Variants in CDH4 observed in about 807,000 individuals in gnomAD.
The protein encoded by CDH4 is cadherin 4, also known as cadherin-4.
A neutral mutation model predicts 86.0 loss-of-function variants in CDH4; 33 were observed. The ratio of observed to expected loss-of-function variants is 0.38; its 90% CI spans 0.29 to 0.51. CDH4 has a LOEUF of 0.51. CDH4 is among the 20% of genes least tolerant of loss of function. The probability of loss-of-function intolerance (pLI) is 0.86; values close to 1 mark genes in which losing one functional copy is unlikely to be tolerated. For synonymous variants in CDH4, 555 were observed against 549.4 expected, an observed-to-expected ratio of 1.01 and a Z score of -0.14; for missense variants, 1,114 against 1,307.4, an observed-to-expected ratio of 0.85 and a Z score of 2.28.
chr20:61,383,092 T>G (rs1489024892), intron 2 of CDH4, among the ~76,000 whole-genome samples: 4 of 97,134 alleles, frequency 4.1e-5, no homozygotes, highest in Non-Finnish European at 6.2e-5. Context: ...TATATGAATA[T>G]ATATATGAAT....
chr20:61,546,240 G>A (rs1485763821), intron 2 of CDH4, among the ~76,000 whole-genome samples: 5 of 151,446 alleles, frequency 3.3e-5, no homozygotes, highest in Non-Finnish European at 5.9e-5. Context: ...CATGTGTGTG[G>A]GGGTATGTGG....
intron 2 of CDH4, among the ~76,000 whole-genome samples, chr20:61,320,853 G>A (rs1348145232): frequency 1.3e-5 from 2 of 152,052 alleles, no homozygotes; most frequent in Non-Finnish European, 2.9e-5. Context: ...CCAGGTGGCT[G>A]GAGGGGTGGG....
intron 2 of CDH4, among the ~76,000 whole-genome samples, chr20:61,333,910 G>A (rs574636321): frequency 8.5e-5 from 13 of 152,358 alleles, no homozygotes; most frequent in African/African-American, 2.9e-4. Context: ...CAGACCAGGG[G>A]CACCATGAGG....
chr20:61,302,494 G>T (rs1389017280), intron 2 of CDH4, among the ~76,000 whole-genome samples: 2 of 143,512 alleles, frequency 1.4e-5, no homozygotes, highest in Non-Finnish European at 3.0e-5. Flanking sequence ...GTTGGGGGGG[G>T]TCTGTTGTCA....
At chr20:61,836,033 G>A (rs757831615) in intron 4 of CDH4, among the ~76,000 whole-genome samples, 1 of 152,220 alleles carries the variant, frequency 6.6e-6, no homozygotes, top group Non-Finnish European at 1.5e-5. Context: ...TCTGGGTCTT[G>A]ACCGGGCTCT....
chr20:61,706,354 A>G (rs946344616), intron 2 of CDH4, among the ~76,000 whole-genome samples: 1 of 152,106 alleles, frequency 6.6e-6, no homozygotes, highest in Non-Finnish European at 1.5e-5. Context: ...CAGGACTCCA[A>G]CCACCACCCG....
In CDH4 at chr20:61,663,184, G is replaced by A. The variant is rs1234488196; in HGVS notation, c.170-80379G>A. Reference sequence around the variant, plus strand: ...GGCCTGCAGCTCCATGAGTGTCCACGCCTCCGTGTGTGGACTGATGAGGTA... The same window carrying A: ...GGCCTGCAGCTCCATGAGTGTCCACACCTCCGTGTGTGGACTGATGAGGTA... On this transcript the variant is annotated intron_variant, in intron 2 of 15. Coordinates refer to ENST00000614565, the MANE Select transcript of CDH4 (RefSeq NM_001794.5). This position sits in a 1 kb window ranked among gnomAD's most constrained non-coding sequence, Gnocchi z 5.0. 1.3e-5 allele frequency among the ~76,000 whole-genome samples: 2 copies of A among 152,224 alleles called. No homozygotes were observed. Among genetic ancestry groups the A allele is most frequent in the Admixed American group, 1.3e-4 (2 of 15,292 alleles).
chr20:61,448,809 A>G (rs1012158411), intron 2 of CDH4, among the ~76,000 whole-genome samples: 1 of 152,170 alleles, frequency 6.6e-6, no homozygotes, highest in African/African-American at 2.4e-5. Flanking sequence ...TGATACTCTG[A>G]AAAGGCTATT....
intron 2 of CDH4, among the ~76,000 whole-genome samples, chr20:61,470,555 G>A (rs1029616302): frequency 9.2e-5 from 14 of 152,068 alleles, no homozygotes; most frequent in Non-Finnish European, 1.5e-5. Context: ...CTGTAGCTAA[G>A]ACTTCTAGTA....
intron 7 of CDH4, among the ~76,000 whole-genome samples, chr20:61,883,911 G>T (rs988957226): frequency 6.6e-6 from 1 of 152,224 alleles, no homozygotes; most frequent in East Asian, 1.9e-4. Context: ...GAGAGAGGGG[G>T]AAGCAAGAGG....
chr20:61,505,779 C>T (rs2085736150), intron 2 of CDH4, among the ~76,000 whole-genome samples: 1 of 151,524 alleles, frequency 6.6e-6, no homozygotes, highest in South Asian at 2.1e-4. Flanking sequence ...CTAATGTTCT[C>T]GTGTGTTTTT....
chr20:61,312,998 T>C (rs541702507), intron 2 of CDH4, among the ~76,000 whole-genome samples: 33 of 152,264 alleles, frequency 2.2e-4, no homozygotes, highest in African/African-American at 7.5e-4. Context: ...GTCTCACTCC[T>C]GTGGGGTTGC....
intron 4 of CDH4, among the ~76,000 whole-genome samples, chr20:61,802,933 G>A (rs1979908948): frequency 1.3e-5 from 2 of 152,236 alleles, no homozygotes; most frequent in Non-Finnish European, 2.9e-5. Flanking sequence ...GGGCTTCTCC[G>A]AATTCTGTTT....
At chr20:61,845,146 A>G (rs1385695868) in intron 5 of CDH4, among the ~76,000 whole-genome samples, 3 of 152,142 alleles carry the variant, frequency 2.0e-5, no homozygotes, top group Non-Finnish European at 4.4e-5. Flanking sequence ...TCTGCTTTGG[A>G]TGGCTCTGCG....
intron 2 of CDH4, among the ~76,000 whole-genome samples, chr20:61,410,869 C>CCT (rs1247272252): frequency 6.6e-6 from 1 of 151,670 alleles, no homozygotes; most frequent in Non-Finnish European, 1.5e-5. Flanking sequence ...GTCCATCTAT[C>CCT]CTCTCACCTG....
rs147246056 is a variant in CDH4 at position 61,576,573 on chromosome 20, A to T, written c.170-166990A>T. Among the ~76,000 whole-genome samples the T allele has an allele frequency of 1.6e-3, 238 of 152,248 alleles. 1 individual carries two copies. The highest frequency in any genetic ancestry group is 5.4e-3 in the African/African-American group (226 of 41,544). The stretch of plus-strand genomic sequence containing the variant: ...CCCTCCCTGACCGGAGGCAGACATC[A>T]CTAATCGATCCCACTCTCTTCTATC... On this transcript the variant is annotated intron_variant, in intron 2 of 15. Transcript: ENST00000614565.
chr20:61,626,824 C>A (rs1424895295), intron 2 of CDH4, among the ~76,000 whole-genome samples: 1 of 152,160 alleles, frequency 6.6e-6, no homozygotes, highest in African/African-American at 2.4e-5. Context: ...TTTTAAATTG[C>A]GCTCGAAGGG....
Position 61,703,612 on chromosome 20 carries a change from G to A in CDH4, c.170-39951G>A, listed in dbSNP as rs1347036100. On this transcript the variant is annotated intron_variant, in intron 2 of 15. Transcript: ENST00000614565. The surrounding 1 kb of genome is among the most constrained non-coding windows in gnomAD (Gnocchi z 4.3). ...CCGTCGCACCTCTTCCCCGTGCCTG[G>A]ATGAATCTGCAAAGAGAGCGGGGAT... Among the ~76,000 whole-genome samples the A allele has an allele frequency of 6.6e-6, 1 of 152,178 alleles. No homozygotes were observed. Among genetic ancestry groups the A allele is most frequent in the African/African-American group, 2.4e-5 (1 of 41,460 alleles).
At position 61,545,895 on chromosome 20, in the gene CDH4, GTA is replaced by G. The variant is rs1356844193; in HGVS notation, c.170-197666_170-197665del. Among the ~76,000 whole-genome samples the G allele has an allele frequency of 5.6e-4, 45 of 80,318 alleles. 5 individuals are homozygous for G. Among genetic ancestry groups the G allele is most frequent in the South Asian group, 2.0e-3 (4 of 1,982 alleles). 52.7% of individuals were successfully genotyped at this position (80,318 alleles called of 152,430 possible). ...GGTATGTGGGATACGGTATGTGTTCGTATGTGTGTGTGTGGAGGGGTGTGTGT... is the reference window on the plus strand; with the variant it reads ...GGTATGTGGGATACGGTATGTGTTCGTGTGTGTGTGTGGAGGGGTGTGTGT... On this transcript the variant is annotated intron_variant, in intron 2 of 15. Coordinates refer to ENST00000614565, the MANE Select transcript of CDH4 (RefSeq NM_001794.5).
Sources: allele counts gnomAD v4.1 joint callset (sites outside exome capture counted in the v4.1 genomes callset), GRCh38; gene constraint gnomAD v4.1.1; non-coding constraint Gnocchi (gnomAD v3.1); transcripts MANE v1.5; gene names NCBI Gene and HGNC (gene_info 2026-07-23, HGNC 2026-07-21).